The following KIRREL3 variants were observed in gnomAD, a reference collection of about 807,000 sequenced individuals.
KIRREL3 encodes the protein kin of IRRE-like protein 3.
KIRREL3 carries 36 observed loss-of-function variants against 89.7 expected under a neutral mutation model. The observed-to-expected ratio is 0.40, with a 90% CI of 0.31 to 0.53. The LOEUF (loss-of-function observed/expected upper bound fraction) is 0.53. Among genes scored for constraint, KIRREL3 ranks in the 20% least tolerant of loss-of-function variants. The pLI is 0.49. For missense variants in KIRREL3, 864 were observed against 1,056.6 expected (o/e 0.82, Z 2.53); for synonymous variants, 445 against 441.4 (o/e 1.01, Z -0.10).
intron 5 of KIRREL3, among the ~76,000 whole-genome samples, chr11:126,467,358 C>G (rs1385385447): frequency 6.6e-6 from 1 of 152,202 alleles, no homozygotes; most frequent in Non-Finnish European, 1.5e-5. Context: ...TGTACCCCAC[C>G]CCATGGTTTT....
In KIRREL3 at chr11:126,436,660, CTGGCTAGGCTGTG is replaced by C. The variant is rs1267941387; in HGVS notation, c.1552+138_1552+150del. Reference sequence around the variant, plus strand: ...AGAGCCTGGCTGAGGAGGCTGCTGGCTGGCTAGGCTGTGTGGTCAGCCAGGAAGAGCACTGTGG... The same window carrying C: ...AGAGCCTGGCTGAGGAGGCTGCTGGCTGGTCAGCCAGGAAGAGCACTGTGG... On this transcript the variant is annotated intron_variant, in intron 12 of 16. Transcript: ENST00000525144. The C allele has an allele frequency of 2.5e-5, 20 of 790,602 alleles. No homozygotes were observed. In the East Asian group the frequency reaches 5.4e-4, roughly 21 times the overall value. The allele number at this position is 790,602 out of a possible 1,614,324, so 49.0% of individuals were successfully genotyped here.
chr11:126,974,441 GC>G, intron 1 of KIRREL3, among the ~76,000 whole-genome samples: 3 of 151,336 alleles, frequency 2.0e-5, no homozygotes, highest in Non-Finnish European at 4.4e-5. Flanking sequence ...ACATGGTATA[GC>G]CCGTTACACA....
intron 1 of KIRREL3, among the ~76,000 whole-genome samples, chr11:126,702,937 G>T (rs1947366488): frequency 6.6e-6 from 1 of 152,252 alleles, no homozygotes; most frequent in Non-Finnish European, 1.5e-5. Context: ...TCCTTGCAAG[G>T]TCAGCCAGCT....
intron 4 of KIRREL3, among the ~76,000 whole-genome samples, chr11:126,502,308 T>C (rs1957888933): frequency 6.6e-6 from 1 of 152,306 alleles, no homozygotes; most frequent in African/African-American, 2.4e-5. Flanking sequence ...GAAGCACAGT[T>C]TGAGAGCTCC....
chr11:126,602,228 G>A (rs1942692155), intron 1 of KIRREL3, among the ~76,000 whole-genome samples: 1 of 152,202 alleles, frequency 6.6e-6, no homozygotes, highest in South Asian at 2.1e-4. Flanking sequence ...TGTGCTCACT[G>A]TCAGAGGTGG....
chr11:126,745,213 G>A (rs894352904), intron 1 of KIRREL3, among the ~76,000 whole-genome samples: 1 of 152,146 alleles, frequency 6.6e-6, no homozygotes, highest in Non-Finnish European at 1.5e-5. Flanking sequence ...ATATCTCTGT[G>A]ATACAGGATA....
At chr11:126,602,719 G>T (rs1942715844) in intron 1 of KIRREL3, among the ~76,000 whole-genome samples, 1 of 152,194 alleles carries the variant, frequency 6.6e-6, no homozygotes, top group African/African-American at 2.4e-5. Context: ...TCCAATTTAT[G>T]ATACTTACTG....
Position 126,766,642 on chromosome 11 carries a change from G to A in KIRREL3, c.56-203730C>T, listed in dbSNP as rs761129863. On this transcript the variant is annotated intron_variant, in intron 1 of 16. Coordinates refer to ENST00000525144, the MANE Select transcript of KIRREL3 (RefSeq NM_032531.4). This position sits in a 1 kb window ranked among gnomAD's most constrained non-coding sequence, Gnocchi z 4.2. ...CATTCCATTACCATTTCCTCAAATG[G>A]GGAGTGTACACACGGAAGTTCTTTT... Among the ~76,000 whole-genome samples, 2 of 152,184 alleles carry A rather than the reference G, an allele frequency of 1.3e-5. No homozygotes were observed. Among genetic ancestry groups the A allele is most frequent in the Non-Finnish European group, 2.9e-5 (2 of 68,006 alleles).
In KIRREL3 at chr11:126,987,402, G is replaced by C. The variant is rs963406710; in HGVS notation, c.55+13053C>G. ...TGGCATGGATCTTAGAATATCTGTTGATAATAAGAGTGAAAGGTAGATTTC... is the reference window on the plus strand; with the variant it reads ...TGGCATGGATCTTAGAATATCTGTTCATAATAAGAGTGAAAGGTAGATTTC... On this transcript the variant is annotated intron_variant, in intron 1 of 16. Transcript: ENST00000525144. This position sits in a 1 kb window ranked among gnomAD's most constrained non-coding sequence, Gnocchi z 4.6. Among the ~76,000 whole-genome samples the C allele has an allele frequency of 2.6e-5, 4 of 152,196 alleles. No homozygotes were observed. Among genetic ancestry groups the C allele is most frequent in the Non-Finnish European group, 4.4e-5 (3 of 68,026 alleles).
At chr11:126,874,871 A>T (rs1162605029) in intron 1 of KIRREL3, among the ~76,000 whole-genome samples, 1 of 152,116 alleles carries the variant, frequency 6.6e-6, no homozygotes, top group South Asian at 2.1e-4. Flanking sequence ...TCATTTTCTG[A>T]CTAAGACATA....
chr11:126,473,054 TC>T (rs1218465298), intron 5 of KIRREL3, among the ~76,000 whole-genome samples: 20 of 8,922 alleles, frequency 2.2e-3, no homozygotes, highest in Admixed American at 3.4e-3. Flanking sequence ...CCCCAGCCCC[TC>T]TCCCCAGCCC....
chr11:126,766,725 G>T lies in KIRREL3; in HGVS notation c.56-203813C>A, dbSNP rs997769688. Reference sequence around the variant, plus strand: ...AGAATTGACTTTTCTGCCTTGGCCTGGGGGAGGCGGGTGTTGTAAAACTTA... The same window carrying T: ...AGAATTGACTTTTCTGCCTTGGCCTTGGGGAGGCGGGTGTTGTAAAACTTA... On this transcript the variant is annotated intron_variant, in intron 1 of 16. Transcript: ENST00000525144. The surrounding 1 kb of genome is among the most constrained non-coding windows in gnomAD (Gnocchi z 4.2). Among the ~76,000 whole-genome samples, 3 of 152,158 alleles carry T rather than the reference G, an allele frequency of 2.0e-5. No homozygotes were observed. Among genetic ancestry groups the T allele is most frequent in the Non-Finnish European group, 4.4e-5 (3 of 68,028 alleles).
chr11:126,473,746 G>C (rs551159660), intron 4 of KIRREL3, among the ~76,000 whole-genome samples: 2 of 152,278 alleles, frequency 1.3e-5, no homozygotes, highest in African/African-American at 4.8e-5. Flanking sequence ...TGCACTCCCA[G>C]ACCCAGAAGC....
rs770028154 is a variant in KIRREL3, at chr11:126,877,901, C to A, written c.55+122554G>T. Among the ~76,000 whole-genome samples, 2 of 152,082 alleles carry A rather than the reference C, an allele frequency of 1.3e-5. No homozygotes were observed. Among genetic ancestry groups the A allele is most frequent in the Non-Finnish European group, 2.9e-5 (2 of 68,026 alleles). On this transcript the variant is annotated intron_variant, in intron 1 of 16. Coordinates refer to ENST00000525144, the MANE Select transcript of KIRREL3 (RefSeq NM_032531.4). The surrounding 1 kb of genome is among the most constrained non-coding windows in gnomAD (Gnocchi z 4.9). ...ATAATAGGTGCAAAAACAGTTGCAG[C>A]GTGTTAAGGCTGGAACTCCCCCCTA...
rs1450902217 is a variant in KIRREL3 at position 126,791,262 on chromosome 11, G to T, written c.55+209193C>A. Reference sequence around the variant, plus strand: ...TACAGGGAATTTAGTGGTATTTGTTGACCTGATGAGATGAGAAATAGTTGA... The same window carrying T: ...TACAGGGAATTTAGTGGTATTTGTTTACCTGATGAGATGAGAAATAGTTGA... On this transcript the variant is annotated intron_variant, in intron 1 of 16. Transcript: ENST00000525144. This position sits in a 1 kb window ranked among gnomAD's most constrained non-coding sequence, Gnocchi z 4.8. 6.6e-6 allele frequency among the ~76,000 whole-genome samples: 1 copy of T among 152,146 alleles called. No individual in the cohort carries two copies. Among genetic ancestry groups the T allele is most frequent in the Non-Finnish European group, 1.5e-5 (1 of 68,028 alleles).
chr11:126,958,727 G>A (rs1192483379), intron 1 of KIRREL3, among the ~76,000 whole-genome samples: 4 of 152,188 alleles, frequency 2.6e-5, no homozygotes. Flanking sequence ...CTAGCAAAGG[G>A]TGGTTAGTGT....
In KIRREL3 at chr11:126,894,181, T is replaced by C. The variant is rs574464466; in HGVS notation, c.55+106274A>G. Among the ~76,000 whole-genome samples the C allele has an allele frequency of 2.6e-5, 4 of 151,964 alleles. No homozygotes were observed. In the South Asian group the frequency reaches 8.3e-4, roughly 32 times the overall value. On this transcript the variant is annotated intron_variant, in intron 1 of 16. Transcript: ENST00000525144. ...TTCCTGCCTTCCTCTTAAGGAAAAA[T>C]AAGGAAGTGATGAATTGAGGGGAAT...
chr11:126,793,326 T>A (rs1950705154), intron 1 of KIRREL3, among the ~76,000 whole-genome samples: 1 of 152,234 alleles, frequency 6.6e-6, no homozygotes, highest in South Asian at 2.1e-4. Context: ...AAGGTTGTAG[T>A]GCTGAACAGT....
intron 1 of KIRREL3, among the ~76,000 whole-genome samples, chr11:126,617,500 C>T (rs1044530160): frequency 6.6e-6 from 1 of 152,198 alleles, no homozygotes; most frequent in Non-Finnish European, 1.5e-5. Flanking sequence ...AAGAGACATA[C>T]TATTTTCTCA....
Sources: allele counts gnomAD v4.1 joint callset (sites outside exome capture counted in the v4.1 genomes callset), GRCh38; gene constraint gnomAD v4.1.1; non-coding constraint Gnocchi (gnomAD v3.1); transcripts MANE v1.5; gene names NCBI Gene and HGNC (gene_info 2026-07-23, HGNC 2026-07-21).